ABCC8: variants seen among roughly 807,000 people sequenced by gnomAD.
ABCC8 encodes the protein ATP-binding cassette sub-family C member 8.
Under a neutral mutation model 188.0 loss-of-function variants are expected in ABCC8, and 137 were observed. That is an observed-to-expected ratio of 0.73 (90% confidence interval 0.63 to 0.84). ABCC8 has a LOEUF of 0.84. ABCC8 is among the 40% of genes least tolerant of loss of function. ABCC8 has a pLI of 0.00. For missense variants in ABCC8, 1,750 were observed against 2,072.7 expected (o/e 0.84, Z 3.02); for synonymous variants, 797 against 846.5 (o/e 0.94, Z 1.01).
intron 6 of ABCC8, among the ~76,000 whole-genome samples, chr11:17,454,507 A>G (rs952634504): frequency 1.3e-5 from 2 of 152,134 alleles, no homozygotes; most frequent in Non-Finnish European, 2.9e-5. Flanking sequence ...TTGCCAGTGC[A>G]CCAGAGGGAG....
chr11:17,429,740 G>A (rs1474747339), intron 12 of ABCC8: 6 of 152,182 alleles, frequency 3.9e-5, no homozygotes, highest in African/African-American at 9.7e-5. Context: ...GGTGGGAGGA[G>A]GGGTGATCTT....
chr11:17,415,435 C>A (rs1048087642), intron 17 of ABCC8, 96 bp from the exon 18 acceptor site: 16 of 1,553,504 alleles, frequency 1.0e-5, no homozygotes, highest in African/African-American at 1.4e-5. Flanking sequence ...CATGAGCATG[C>A]CTTTACAATC....
chr11:17,409,452 T>G (rs1326856585), intron 22 of ABCC8, among the ~76,000 whole-genome samples: 6 of 152,234 alleles, frequency 3.9e-5, no homozygotes, highest in African/African-American at 1.4e-4. Flanking sequence ...TACAAGGTAT[T>G]GCCAAGGTCA....
chr11:17,422,075 G>A (rs895920512), intron 16 of ABCC8, among the ~76,000 whole-genome samples: 2 of 152,212 alleles, frequency 1.3e-5, no homozygotes, highest in African/African-American at 2.4e-5. Flanking sequence ...TTGCAAGCAC[G>A]TCTTCTCCCT....
chr11:17,447,042 A>T (rs1293952373), intron 8 of ABCC8, among the ~76,000 whole-genome samples: 1 of 152,218 alleles, frequency 6.6e-6, no homozygotes, highest in East Asian at 1.9e-4. Flanking sequence ...CTGAATTGCC[A>T]TAGCAACTCC....
intron 10 of ABCC8, chr11:17,435,574 T>C (rs1010413101): frequency 1.5e-6 from 2 of 1,350,324 alleles, no homozygotes; most frequent in Non-Finnish European, 2.1e-6. Context: ...TTTAAACAAA[T>C]AAGGAGAACT....
Position 17,415,323 on chromosome 11 carries a change from C to A in ABCC8, c.2272G>T (p.Ala758Ser). 1.2e-6 allele frequency: 2 copies of A among 1,610,644 alleles called. No homozygotes were observed. The highest frequency in any genetic ancestry group is 1.7e-6 in the Non-Finnish European group (2 of 1,179,026). The change falls in exon 18 of 39, where the codon GCG becomes TCG. Residue 758 changes from alanine to serine, a missense_variant. Ala to Ser is a moderately conservative substitution (Grantham distance 99). Coordinates refer to ENST00000389817, the MANE Select transcript of ABCC8 (RefSeq NM_000352.6). ...GEDPSPERET[A>S]TDLDIRKRGP... Reference sequence around the variant, plus strand: ...CAGTACCTGATATCCAAGTCGGTCGCTGTCTCCCGCTCTGGGCTGCAGCAG... The same window carrying A: ...CAGTACCTGATATCCAAGTCGGTCGATGTCTCCCGCTCTGGGCTGCAGCAG...
In ABCC8 at chr11:17,427,753, C is replaced by T. The variant is rs374340996; in HGVS notation, c.2116+114G>A. ...CCTTCTATAATATACCCAGGGCATA[C>T]ACCAAGAATGAGCAGAGAGTAGGTG... is the stretch of plus-strand genomic sequence containing the variant. On this transcript the variant is annotated intron_variant, in intron 15 of 38. Transcript: ENST00000389817. This position sits in a 1 kb window ranked among gnomAD's most constrained non-coding sequence, Gnocchi z 5.0. 24 of 1,389,918 alleles carry T rather than the reference C, an allele frequency of 1.7e-5. 1 individual carries two copies. The highest frequency in any genetic ancestry group is 1.3e-4 in the African/African-American group (9 of 70,224). The allele number at this position is 1,389,918 out of a possible 1,614,324, so 86.1% of individuals were successfully genotyped here.
rs995716773 is a variant in ABCC8, at chr11:17,427,216, A to T, written c.2117-62T>A. 6.6e-7 allele frequency: 1 copy of T among 1,510,376 alleles called. No homozygotes were observed. Among genetic ancestry groups the T allele is most frequent in the African/African-American group, 1.4e-5 (1 of 72,926 alleles). 93.6% of individuals were successfully genotyped at this position (1,510,376 alleles called of 1,614,324 possible). A position where few individuals can be genotyped will look rare whatever the true frequency, so the allele number is the denominator to read the frequency against. On this transcript the variant is annotated intron_variant, in intron 15 of 38. Coordinates refer to ENST00000389817, the MANE Select transcript of ABCC8 (RefSeq NM_000352.6). The surrounding 1 kb of genome is among the most constrained non-coding windows in gnomAD (Gnocchi z 5.0). ...GGGGGAGTCTGAACAACCATTACCC[A>T]GAAAGACAGACAGACAGATGCACCC...
At chr11:17,436,048 T>C (rs1956082983) in intron 10 of ABCC8, 8 of 1,067,850 alleles carry the variant, frequency 7.5e-6, no homozygotes, top group Non-Finnish European at 1.0e-5. Context: ...TGAACTTGTG[T>C]TCTTATTCCA....
chr11:17,443,443 T>G lies in ABCC8; in HGVS notation c.1333-131A>C, dbSNP rs916451289. On this transcript the variant is annotated intron_variant, in intron 8 of 38. Coordinates refer to ENST00000389817, the MANE Select transcript of ABCC8 (RefSeq NM_000352.6). ...TGGTGCCCAGGTTTCCAAATTATCT[T>G]GGGGAGTGGAGTGCAGGGAAGGAGG... The G allele has an allele frequency of 2.0e-6, 3 of 1,505,700 alleles. No individual in the cohort carries two copies. The African/African-American group carries it at 4.1e-5, about 21-fold the overall frequency. 93.3% of individuals were successfully genotyped at this position (1,505,700 alleles called of 1,614,324 possible). A position where few individuals can be genotyped will look rare whatever the true frequency, so the allele number is the denominator to read the frequency against.
chr11:17,417,740 T>C (rs1955151198), intron 16 of ABCC8, among the ~76,000 whole-genome samples: 1 of 152,120 alleles, frequency 6.6e-6, no homozygotes, highest in Non-Finnish European at 1.5e-5. Flanking sequence ...AGCACCATAG[T>C]AGTATTTTCT....
intron 2 of ABCC8, among the ~76,000 whole-genome samples, chr11:17,473,273 T>TG (rs1848578552): frequency 6.8e-6 from 1 of 146,624 alleles, no homozygotes; most frequent in African/African-American, 2.5e-5. Context: ...GGTGTAGGGG[T>TG]GGGGGTGGAG....
At chr11:17,414,205 G>A (rs1268027428) in intron 19 of ABCC8, among the ~76,000 whole-genome samples, 2 of 152,208 alleles carry the variant, frequency 1.3e-5, no homozygotes, top group East Asian at 1.9e-4. Context: ...AATAGTGCAG[G>A]AGCCAGGCGA....
intron 10 of ABCC8, among the ~76,000 whole-genome samples, chr11:17,432,968 T>C (rs1171300372): frequency 6.6e-6 from 1 of 152,196 alleles, no homozygotes; most frequent in Non-Finnish European, 1.5e-5. Flanking sequence ...TTTCCTCATA[T>C]GATTTTTGTA....
intron 10 of ABCC8, among the ~76,000 whole-genome samples, chr11:17,433,402 T>C (rs1955936418): frequency 6.6e-6 from 1 of 152,254 alleles, no homozygotes. Context: ...GGCAAAGTCT[T>C]GGACACTCTG....
chr11:17,463,746 G>T (rs1417050761), intron 3 of ABCC8, 142 bp from the exon 4 acceptor site: 4 of 1,047,008 alleles, frequency 3.8e-6, no homozygotes, highest in African/African-American at 1.6e-5. Context: ...GGATGTGCAC[G>T]TGTGAATATA....
chr11:17,435,567 A>G, intron 10 of ABCC8: 1 of 1,340,068 alleles, frequency 7.5e-7, no homozygotes, highest in Non-Finnish European at 1.1e-6. Flanking sequence ...AAAAGGATTT[A>G]AACAAATAAG....
chr11:17,431,078 G>T (rs1330910584), intron 11 of ABCC8, 119 bp from the exon 12 acceptor site: 26 of 1,491,954 alleles, frequency 1.7e-5, no homozygotes, highest in African/African-American at 4.2e-5. Flanking sequence ...CTCCTAAGAG[G>T]ATCTTTTAGT....
Sources: allele counts gnomAD v4.1 joint callset (sites outside exome capture counted in the v4.1 genomes callset), GRCh38; gene constraint gnomAD v4.1.1; non-coding constraint Gnocchi (gnomAD v3.1); transcripts MANE v1.5; gene names NCBI Gene and HGNC (gene_info 2026-07-23, HGNC 2026-07-21).